The following GABPB1 variants were observed in gnomAD, a reference collection of about 807,000 sequenced individuals.
GABPB1 encodes the protein GA binding protein transcription factor subunit beta 1.
A neutral mutation model predicts 45.9 loss-of-function variants in GABPB1; 15 were observed. The ratio of observed to expected loss-of-function variants is 0.33; its 90% CI spans 0.22 to 0.50. The LOEUF is 0.50. Among genes scored for constraint, GABPB1 ranks in the 20% least tolerant of loss-of-function variants. The pLI is 0.98. For missense variants in GABPB1, 252 were observed against 457.5 expected (o/e 0.55, Z 4.10); for synonymous variants, 143 against 154.4 (o/e 0.93, Z 0.55).
chr15:50,289,993 T>A (rs1595740421), intron 6 of GABPB1, among the ~76,000 whole-genome samples: 1 of 152,044 alleles, frequency 6.6e-6, no homozygotes, highest in South Asian at 2.1e-4. Context: ...GGTCTCAAAC[T>A]CCTGGCCTCA....
chr15:50,317,558 A>C (rs1460252261), intron 1 of GABPB1, among the ~76,000 whole-genome samples: 2 of 152,062 alleles, frequency 1.3e-5, no homozygotes, highest in African/African-American at 4.8e-5. Context: ...CTTTTATTTA[A>C]AAGCTTTTTT....
intron 8 of GABPB1, 28 bp from the exon 9 acceptor site, chr15:50,278,812 T>TA (rs397706697): frequency 2.0e-5 from 32 of 1,561,850 alleles, no homozygotes; most frequent in Admixed American, 1.1e-4. Flanking sequence ...GTTTTTTTTT[T>TA]AATTTTTGCA....
At chr15:50,337,957 G>A (rs1468382350) in intron 1 of GABPB1, among the ~76,000 whole-genome samples, 1 of 152,064 alleles carries the variant, frequency 6.6e-6, no homozygotes, top group African/African-American at 2.4e-5. Context: ...ATGGATAAAT[G>A]AGAACCTCAA....
At chr15:50,350,020 T>C (rs555230493) in intron 1 of GABPB1, 80 of 152,322 alleles carry the variant, frequency 5.3e-4, no homozygotes, top group African/African-American at 1.8e-3. Context: ...CACTTACATA[T>C]ACCAAGACAT....
At chr15:50,335,094 C>T (rs960550566) in intron 1 of GABPB1, among the ~76,000 whole-genome samples, 4 of 152,162 alleles carry the variant, frequency 2.6e-5, no homozygotes, top group African/African-American at 7.2e-5. Context: ...CAGGAACCAA[C>T]CTAAATTAAG....
intron 1 of GABPB1, among the ~76,000 whole-genome samples, chr15:50,316,308 G>C (rs2047325092): frequency 6.6e-6 from 1 of 152,002 alleles, no homozygotes; most frequent in African/African-American, 2.4e-5. Flanking sequence ...ATTTTGTTTT[G>C]AATTTCCGTA....
chr15:50,326,074 A>AT (rs112423952), intron 1 of GABPB1, among the ~76,000 whole-genome samples: 151,429 of 151,436 alleles, frequency 1, 75,711 homozygotes, highest in Middle Eastern at 1. Flanking sequence ...CGCCCAGCTA[A>AT]TTTTGTATTT....
At chr15:50,297,828 C>G (rs1051378883) in intron 6 of GABPB1, among the ~76,000 whole-genome samples, 2 of 151,932 alleles carry the variant, frequency 1.3e-5, no homozygotes, top group Non-Finnish European at 2.9e-5. Flanking sequence ...AGAGTGAGAC[C>G]CTGTCTCCAA....
At chr15:50,301,408 C>G (rs1254622316) in intron 4 of GABPB1, 40 bp from the exon 5 acceptor site, 3 of 1,564,016 alleles carry the variant, frequency 1.9e-6, no homozygotes, top group Non-Finnish European at 2.6e-6. Flanking sequence ...GAATTATAAC[C>G]AGAACATATA....
intron 6 of GABPB1, among the ~76,000 whole-genome samples, chr15:50,292,238 C>T (rs540346133): frequency 4.2e-5 from 6 of 143,794 alleles, no homozygotes; most frequent in East Asian, 2.1e-4. Context: ...GGTGTGAACC[C>T]GGGAGGCGGA....
intron 8 of GABPB1, among the ~76,000 whole-genome samples, chr15:50,279,787 T>C (rs1054074310): frequency 2.0e-5 from 3 of 152,190 alleles, no homozygotes; most frequent in African/African-American, 7.2e-5. Flanking sequence ...GGGGTCGGAC[T>C]ATCACAAGAA....
chr15:50,295,616 T>TC (rs1277505939), intron 6 of GABPB1, among the ~76,000 whole-genome samples: 1 of 139,042 alleles, frequency 7.2e-6, no homozygotes, highest in Non-Finnish European at 1.6e-5. Flanking sequence ...TATCTGTAAT[T>TC]CCCAAAAAAA....
chr15:50,348,290 T>G (rs1183726278), intron 1 of GABPB1, among the ~76,000 whole-genome samples: 1 of 152,156 alleles, frequency 6.6e-6, no homozygotes, highest in African/African-American at 2.4e-5. Flanking sequence ...AATCTTGCTC[T>G]GTCACCCAGG....
chr15:50,289,144 T>C (rs1330271545), intron 7 of GABPB1, among the ~76,000 whole-genome samples: 1 of 152,234 alleles, frequency 6.6e-6, no homozygotes, highest in African/African-American at 2.4e-5. Flanking sequence ...CAATGCTGAT[T>C]TGAATTATTT....
intron 1 of GABPB1, among the ~76,000 whole-genome samples, chr15:50,342,180 G>GA (rs2141161900): frequency 6.6e-6 from 1 of 152,246 alleles, no homozygotes; most frequent in Non-Finnish European, 1.5e-5. Context: ...CTTGACCTCA[G>GA]CAAAATGAAT....
At chr15:50,309,184 AT>A (rs553303819) in intron 2 of GABPB1, among the ~76,000 whole-genome samples, 9 of 150,512 alleles carry the variant, frequency 6.0e-5, no homozygotes, top group South Asian at 2.1e-4. Context: ...TTAAAGAGTT[AT>A]TTTTTTTTGC....
At chr15:50,309,636 A>G in intron 2 of GABPB1, 55 bp downstream of exon 2, 5 of 1,129,740 alleles carry the variant, frequency 4.4e-6, no homozygotes, top group Middle Eastern at 2.0e-4. Flanking sequence ...TTTTCTCTGC[A>G]AAAACTCAAA....
chr15:50,287,438 G>C (rs998679270), intron 7 of GABPB1, among the ~76,000 whole-genome samples: 3 of 152,180 alleles, frequency 2.0e-5, no homozygotes, highest in African/African-American at 4.8e-5. Flanking sequence ...TTTGGAGATA[G>C]GGTCCTTAAA....
intron 6 of GABPB1, among the ~76,000 whole-genome samples, chr15:50,299,139 ATGT>A (rs1450160384): frequency 3.3e-5 from 5 of 152,306 alleles, no homozygotes; most frequent in East Asian, 3.8e-4. Context: ...ATTTGATGAA[ATGT>A]TGTTATTATT....
Sources: allele counts gnomAD v4.1 joint callset (sites outside exome capture counted in the v4.1 genomes callset), GRCh38; gene constraint gnomAD v4.1.1; transcripts MANE v1.5; gene names NCBI Gene and HGNC (gene_info 2026-07-23, HGNC 2026-07-21).